EIF2AK4: variants seen among roughly 807,000 people sequenced by gnomAD.
EIF2AK4 encodes the protein eIF-2-alpha kinase GCN2.
A neutral mutation model predicts 211.1 loss-of-function variants in EIF2AK4; 139 were observed. The ratio of observed to expected loss-of-function variants is 0.66; its 90% confidence interval spans 0.57 to 0.76. EIF2AK4 has a LOEUF of 0.76. EIF2AK4 is among the 30% of genes least tolerant of loss of function. The pLI, the probability that EIF2AK4 is intolerant of heterozygous loss-of-function variation, is 0.00. For missense variants in EIF2AK4, 1,664 were observed against 2,043.8 expected, an observed-to-expected ratio of 0.81 and a Z score of 3.58; for synonymous variants, 710 against 751.3, an observed-to-expected ratio of 0.94 and a Z score of 0.90.
chr15:40,001,259 A>C lies in EIF2AK4; in HGVS notation c.3159+35A>C, dbSNP rs752396276. 9.4e-6 allele frequency: 15 copies of C among 1,596,196 alleles called. No individual in the cohort carries two copies. In the East Asian group the frequency reaches 2.9e-4, roughly 31 times the overall value. On this transcript the variant is annotated intron_variant, in intron 21 of 38. Coordinates refer to ENST00000263791, the MANE Select transcript of EIF2AK4 (RefSeq NM_001013703.4). ...AGCCACGCTGCACAAAGGGAGCTTC[A>C]CCTTGTCCACAAAAGGATCAAGCCA... is the stretch of plus-strand genomic sequence containing the variant.
At position 40,002,725 on chromosome 15, in the gene EIF2AK4, A is replaced by G; in HGVS notation, c.3172A>G (p.Ile1058Val). 2 of 1,614,204 alleles carry G rather than the reference A, an allele frequency of 1.2e-6. No individual in the cohort carries two copies. Among genetic ancestry groups the G allele is most frequent in the South Asian group, 1.1e-5 (1 of 91,076 alleles). ...DSDILKGNFS[I>V]RTAKMQQHVC... Reference sequence around the variant, plus strand: ...GGTCCTGTTTTAGGGCAACTTCTCAATCCGTACAGCCAAGATGCAGCAGCA... The same window carrying G: ...GGTCCTGTTTTAGGGCAACTTCTCAGTCCGTACAGCCAAGATGCAGCAGCA... Residue 1058 changes from isoleucine to valine, a missense_variant, in exon 22 of 39, where the codon ATC becomes GTC. By Grantham distance (29) the Ile-to-Val change is conservative. This residue lies in a region of EIF2AK4 where 622 missense variants were observed against 796.8 expected (regional missense o/e 0.78). Coordinates refer to ENST00000263791, the MANE Select transcript of EIF2AK4 (RefSeq NM_001013703.4).
At chr15:40,011,255 A>C in intron 26 of EIF2AK4, 26 bp from the exon 27 acceptor site, 2 of 1,611,154 alleles carry the variant, frequency 1.2e-6, no homozygotes, top group Non-Finnish European at 1.7e-6. Context: ...CGCGACTCTC[A>C]TTGTTACCTT....
chr15:39,984,184 G>A (rs1235418599), intron 13 of EIF2AK4, among the ~76,000 whole-genome samples: 1 of 152,162 alleles, frequency 6.6e-6, no homozygotes, highest in East Asian at 1.9e-4. Context: ...TTATTTCTGA[G>A]GCCTCTGTTC....
intron 19 of EIF2AK4, among the ~76,000 whole-genome samples, chr15:39,997,528 CT>C (rs1326517361): frequency 6.6e-6 from 1 of 152,152 alleles, no homozygotes; most frequent in Non-Finnish European, 1.5e-5. Flanking sequence ...CAAAATTGGG[CT>C]TGATATGAAT....
intron 1 of EIF2AK4, among the ~76,000 whole-genome samples, chr15:39,937,579 C>A (rs780607894): frequency 2.0e-5 from 3 of 152,066 alleles, no homozygotes; most frequent in African/African-American, 7.2e-5. Flanking sequence ...GTCAAAATGA[C>A]CTTTTTTTTC....
intron 1 of EIF2AK4, among the ~76,000 whole-genome samples, chr15:39,935,755 CT>C (rs1483435398): frequency 1.3e-5 from 2 of 152,206 alleles, no homozygotes; most frequent in Non-Finnish European, 1.5e-5. Flanking sequence ...ACTCAGGGTG[CT>C]TCTTCCTTCA....
chr15:39,982,194 G>C (rs1166417241), intron 13 of EIF2AK4, among the ~76,000 whole-genome samples: 1 of 152,330 alleles, frequency 6.6e-6, no homozygotes, highest in African/African-American at 2.4e-5. Flanking sequence ...AAAGTGCTGG[G>C]ATTACAGGCG....
chr15:39,973,219 C>G (rs2034648769), intron 10 of EIF2AK4, among the ~76,000 whole-genome samples: 1 of 152,130 alleles, frequency 6.6e-6, no homozygotes, highest in African/African-American at 2.4e-5. Context: ...GAATGAATGT[C>G]CATTGCTGTA....
At chr15:39,937,200 A>G (rs76262695) in intron 1 of EIF2AK4, among the ~76,000 whole-genome samples, 5,156 of 152,298 alleles carry the variant, frequency 0.034, 136 homozygotes, top group Non-Finnish European at 0.054. Flanking sequence ...ACATCCCTCC[A>G]AAAAACTTGC....
intron 11 of EIF2AK4, chr15:39,974,691 G>A (rs1338890979): frequency 6.6e-6 from 1 of 152,134 alleles, no homozygotes; most frequent in Non-Finnish European, 1.5e-5. Context: ...CTTGAACGTA[G>A]AATAGTAACA....
At chr15:39,950,366 G>A (rs2140902833) in intron 4 of EIF2AK4, among the ~76,000 whole-genome samples, 1 of 152,144 alleles carries the variant, frequency 6.6e-6, no homozygotes, top group East Asian at 1.9e-4. Context: ...GATGAGGCAG[G>A]TGGATCACTT....
chr15:39,948,465 G>T (rs183466838), intron 3 of EIF2AK4, among the ~76,000 whole-genome samples: 1 of 152,324 alleles, frequency 6.6e-6, no homozygotes, highest in East Asian at 1.9e-4. Context: ...GCGGGTAAGG[G>T]AAAGGGGCTT....
intron 15 of EIF2AK4, among the ~76,000 whole-genome samples, chr15:39,988,658 G>A (rs2034900050): frequency 6.6e-6 from 1 of 152,174 alleles, no homozygotes; most frequent in Non-Finnish European, 1.5e-5. Context: ...CTCTGGGAGA[G>A]GAGAAAGTAT....
intron 13 of EIF2AK4, among the ~76,000 whole-genome samples, chr15:39,984,478 C>G (rs2034836789): frequency 6.6e-6 from 1 of 152,166 alleles, no homozygotes. Context: ...TTCTTCCTAT[C>G]CATGAGCATG....
At position 39,939,605 on chromosome 15, in the gene EIF2AK4, C is replaced by T; in HGVS notation, c.245C>T (p.Thr82Ile). The T allele has an allele frequency of 6.2e-7, 1 of 1,610,040 alleles. No individual in the cohort carries two copies. Among genetic ancestry groups the T allele is most frequent in the South Asian group, 1.1e-5 (1 of 90,506 alleles). The change falls in exon 2 of 39, where the codon ACC becomes ATC. Residue 82 changes from threonine (T) to isoleucine (I), a missense_variant. By Grantham distance (89) the Thr-to-Ile change is moderately conservative. This residue lies in a region of EIF2AK4 where 641 missense variants were observed against 729.6 expected (regional missense o/e 0.88). Transcript: ENST00000263791. ...KVDLRVKCPP[T>I]YPDVVPEIEL... is the part of the protein sequence containing the mutation. ...GATTTGAGGGTTAAATGCCCACCTACCTATCCAGATGTGTGAGTACATTTA... is the reference window on the plus strand; with the variant it reads ...GATTTGAGGGTTAAATGCCCACCTATCTATCCAGATGTGTGAGTACATTTA...
At chr15:39,950,664 C>T (rs758840049) in intron 4 of EIF2AK4, among the ~76,000 whole-genome samples, 1 of 150,052 alleles carries the variant, frequency 6.7e-6, no homozygotes, top group East Asian at 1.9e-4. Context: ...AAGAATGCTA[C>T]AAACCGTTTA....
chr15:40,010,508 G>C (rs2035220861), intron 26 of EIF2AK4, among the ~76,000 whole-genome samples: 1 of 152,082 alleles, frequency 6.6e-6, no homozygotes, highest in South Asian at 2.1e-4. Context: ...AAATGAATTA[G>C]TGTTATATTA....
chr15:40,032,318 T>G, intron 36 of EIF2AK4, 81 bp downstream of exon 36: 1 of 1,283,080 alleles, frequency 7.8e-7, no homozygotes, highest in Non-Finnish European at 1.1e-6. Flanking sequence ...AGAGCTTTTT[T>G]GCTCAGTGTC....
Position 39,943,484 on chromosome 15 carries a change from A to AGGT in EIF2AK4, c.360_360+2dup, listed in dbSNP as rs781231089. 4 of 1,571,898 alleles carry AGGT rather than the reference A, an allele frequency of 2.5e-6. No homozygotes were observed. The highest frequency in any genetic ancestry group is 2.6e-6 in the Non-Finnish European group (3 of 1,166,410). ...GAACTGGCCAAGAAACACTGTGGGG[A>AGGT]GGTAAGATTTGTTAAACTGGAATTA... On this transcript the variant is annotated inframe_insertion and splice_region_variant, in exon 3 of 39. Coordinates refer to ENST00000263791, the MANE Select transcript of EIF2AK4 (RefSeq NM_001013703.4).
Sources: gnomAD v4.1 joint callset for allele counts (sites outside exome capture counted in the v4.1 genomes callset) on GRCh38, gnomAD v4.1.1 for gene constraint, gnomAD v4.1.1 regional missense constraint, MANE v1.5 for transcripts, NCBI Gene and HGNC (gene_info 2026-07-23, HGNC 2026-07-21) for gene names.